The following OR2L13 variants were observed in gnomAD, a reference collection of about 807,000 sequenced individuals.
OR2L13 encodes the protein olfactory receptor 2L13.
OR2L13 carries 14 observed loss-of-function variants against 15.3 expected under a neutral mutation model. The observed-to-expected ratio is 0.91, with a 90% CI of 0.60 to 1.43. The LOEUF (loss-of-function observed/expected upper bound fraction) is 1.43, where lower values mean the gene tolerates loss of function less well. Ranked by LOEUF, OR2L13 falls within the 40% of genes most tolerant of loss-of-function variation. The probability of loss-of-function intolerance (pLI) is 0.00; values close to 1 mark genes in which losing one functional copy is unlikely to be tolerated. For synonymous variants in OR2L13, 152 were observed against 142.9 expected (o/e 1.06, Z -0.45); for missense variants, 367 against 387.9 (o/e 0.95, Z 0.45).
the OR2L13 span, chr1:248,023,365 A>G: frequency 6.6e-6 from 1 of 152,514 alleles, no homozygotes; most frequent in Non-Finnish European, 1.5e-5. Flanking sequence ...CTCAGGATAA[A>G]TAAGTATGTC....
upstream of OR2L13, among the ~76,000 whole-genome samples, chr1:248,091,623 T>C (rs1664598622): frequency 2.0e-5 from 3 of 152,174 alleles, no homozygotes; most frequent in African/African-American, 7.2e-5. Flanking sequence ...GGCTCTCCAT[T>C]CTGTTCCGTT....
At chr1:247,988,695 C>G in the OR2L13 span, among the ~76,000 whole-genome samples, 1 of 152,050 alleles carries the variant, frequency 6.6e-6, no homozygotes, top group Non-Finnish European at 1.5e-5. Flanking sequence ...TCCTTTTAGG[C>G]ATTCAGTGCA....
the OR2L13 span, among the ~76,000 whole-genome samples, chr1:248,027,889 C>A: frequency 3.3e-5 from 5 of 152,060 alleles, no homozygotes; most frequent in Admixed American, 6.5e-5. Context: ...ACCTGTGATC[C>A]CAGCACTTTG....
At chr1:247,994,327 G>A in the OR2L13 span, among the ~76,000 whole-genome samples, 5,120 of 152,178 alleles carry the variant, frequency 0.034, 242 homozygotes, top group African/African-American at 0.12. Context: ...AACCCGGGAG[G>A]CGGAGCTTGC....
chr1:248,088,195 A>G, the OR2L13 span, among the ~76,000 whole-genome samples: 1 of 152,128 alleles, frequency 6.6e-6, no homozygotes, highest in African/African-American at 2.4e-5. Flanking sequence ...TGGTTCTTAA[A>G]GGTTGAGGAA....
chr1:248,028,515 A>AT, the OR2L13 span, among the ~76,000 whole-genome samples: 2 of 152,262 alleles, frequency 1.3e-5, no homozygotes, highest in Non-Finnish European at 2.9e-5. Flanking sequence ...TTAATGAATA[A>AT]TTCAAATGGA....
the OR2L13 span, chr1:248,083,938 G>A: frequency 7.8e-4 from 1,265 of 1,611,702 alleles, 4 homozygotes; most frequent in African/African-American, 0.015. Flanking sequence ...ACAGCAGCGA[G>A]GATGAGACCA....
At chr1:248,053,289 A>AT in the OR2L13 span, among the ~76,000 whole-genome samples, 1 of 152,144 alleles carries the variant, frequency 6.6e-6, no homozygotes, top group East Asian at 1.9e-4. Context: ...TGATCTTATT[A>AT]TTTTTTATGG....
At chr1:248,011,590 C>T in the OR2L13 span, among the ~76,000 whole-genome samples, 10 of 152,112 alleles carry the variant, frequency 6.6e-5, no homozygotes, top group South Asian at 6.2e-4. Context: ...GTATACCAAT[C>T]AAATGTAGGT....
At chr1:248,014,891 T>G in the OR2L13 span, among the ~76,000 whole-genome samples, 1 of 152,198 alleles carries the variant, frequency 6.6e-6, no homozygotes, top group Non-Finnish European at 1.5e-5. Context: ...TTAAACCGAG[T>G]CTCTTTCCCA....
chr1:248,016,291 C>T, the OR2L13 span, among the ~76,000 whole-genome samples: 1 of 152,142 alleles, frequency 6.6e-6, no homozygotes, highest in Admixed American at 6.5e-5. Flanking sequence ...ACTTGATTTA[C>T]ACAGGAGATT....
the OR2L13 span, among the ~76,000 whole-genome samples, chr1:248,070,660 C>A: frequency 6.6e-6 from 1 of 152,026 alleles, no homozygotes; most frequent in African/African-American, 2.4e-5. Context: ...ACACAAAAAA[C>A]CCTTCAAAAA....
At chr1:248,042,820 C>T in the OR2L13 span, among the ~76,000 whole-genome samples, 1 of 152,186 alleles carries the variant, frequency 6.6e-6, no homozygotes, top group East Asian at 1.9e-4. Flanking sequence ...ATCCTCTCTT[C>T]ACTAAAGTTT....
At chr1:247,960,965 A>G in the OR2L13 span, among the ~76,000 whole-genome samples, 2 of 152,216 alleles carry the variant, frequency 1.3e-5, no homozygotes, top group South Asian at 4.1e-4. Context: ...CTGTCCGACA[A>G]TCCTGTGTGA....
At chr1:248,091,396 T>G (rs1664593719), upstream of OR2L13, among the ~76,000 whole-genome samples, 1 of 148,590 alleles carries the variant, frequency 6.7e-6, no homozygotes. Context: ...AAGTTATTTT[T>G]CAGAGTACTT....
chr1:248,049,828 C>T, the OR2L13 span, among the ~76,000 whole-genome samples: 76 of 152,212 alleles, frequency 5.0e-4, no homozygotes, highest in Admixed American at 4.8e-3. Context: ...GGATGAACTA[C>T]ACCACACATT....
chr1:248,039,119 C>G, the OR2L13 span: 1 of 1,614,140 alleles, frequency 6.2e-7, no homozygotes, highest in East Asian at 2.2e-5. Flanking sequence ...CCCCAATGCT[C>G]AACCCCATCA....
At chr1:248,080,165 A>T in the OR2L13 span, among the ~76,000 whole-genome samples, 1 of 152,214 alleles carries the variant, frequency 6.6e-6, no homozygotes, top group South Asian at 2.1e-4. Flanking sequence ...AAAATTATCA[A>T]GCTGTACAAT....
the OR2L13 span, among the ~76,000 whole-genome samples, chr1:248,059,950 G>A: frequency 6.6e-6 from 1 of 151,872 alleles, no homozygotes; most frequent in African/African-American, 2.4e-5. Context: ...TGAGGCAGGT[G>A]GATTGCTTGA....
Sources: allele counts gnomAD v4.1 joint callset (sites outside exome capture counted in the v4.1 genomes callset), GRCh38; gene constraint gnomAD v4.1.1; transcripts MANE v1.5; gene names NCBI Gene and HGNC (gene_info 2026-07-23, HGNC 2026-07-21).